GRM7: variants seen among roughly 807,000 people sequenced by gnomAD.
GRM7 encodes metabotropic glutamate receptor 7.
In GRM7, 35 loss-of-function variants were observed where a neutral mutation model predicts 84.5. The ratio of observed to expected loss-of-function variants is 0.41; its 90% CI spans 0.32 to 0.55. The LOEUF is 0.55. Ranked by LOEUF, GRM7 falls within the 20% of genes least tolerant of loss-of-function variation. The pLI is 0.19. For synonymous variants in GRM7, 487 were observed against 455.1 expected (o/e 1.07, Z -0.89); for missense variants, 1,003 against 1,194.6 (o/e 0.84, Z 2.36).
At chr3:7,694,982 C>A (rs1367387662) in intron 9 of GRM7, among the ~76,000 whole-genome samples, 2 of 152,116 alleles carry the variant, frequency 1.3e-5, no homozygotes, top group East Asian at 1.9e-4. Flanking sequence ...TTTAAATTGT[C>A]CTTGATAAGA....
In GRM7 at chr3:7,334,257, G is replaced by A. The variant is rs936225914; in HGVS notation, c.1033+27605G>A. On this transcript the variant is annotated intron_variant, in intron 4 of 9. Transcript: ENST00000357716. ...CTATCAGATTAACAGCAGATTTCTC[G>A]GCAGAAACCCTCCAAGCAGGAAGGG... Among the ~76,000 whole-genome samples the A allele has an allele frequency of 1.1e-4, 16 of 152,060 alleles. 1 individual carries two copies. The highest frequency in any genetic ancestry group is 2.6e-4 in the Admixed American group (4 of 15,252).
chr3:7,372,067 C>T (rs1431677897), intron 4 of GRM7, among the ~76,000 whole-genome samples: 1 of 152,060 alleles, frequency 6.6e-6, no homozygotes, highest in African/African-American at 2.4e-5. Context: ...CATTCTGTAC[C>T]TACAGATGAG....
chr3:6,884,500 C>T (rs189381822), intron 1 of GRM7, among the ~76,000 whole-genome samples: 4 of 152,236 alleles, frequency 2.6e-5, no homozygotes, highest in Admixed American at 6.5e-5. Context: ...TAAAAAACAT[C>T]ACCATTTTGA....
intron 1 of GRM7, among the ~76,000 whole-genome samples, chr3:6,925,587 C>T (rs952109062): frequency 1.3e-5 from 2 of 152,134 alleles, no homozygotes; most frequent in African/African-American, 2.4e-5. Flanking sequence ...GAGGTCATCT[C>T]TTCTATCATC....
chr3:7,583,564 T>A (rs1695368351), intron 8 of GRM7, among the ~76,000 whole-genome samples: 1 of 152,238 alleles, frequency 6.6e-6, no homozygotes, highest in Admixed American at 6.5e-5. Flanking sequence ...AGTTTCGGAT[T>A]CTTGATACCT....
At chr3:7,110,403 C>G (rs946121985) in intron 1 of GRM7, among the ~76,000 whole-genome samples, 1 of 151,984 alleles carries the variant, frequency 6.6e-6, no homozygotes. Flanking sequence ...GAGTTTAAGA[C>G]CAGCCTGGCC....
In GRM7 at chr3:6,997,743, A is replaced by C. The variant is rs529609485; in HGVS notation, c.519+135836A>C. On this transcript the variant is annotated intron_variant, in intron 1 of 9. Coordinates refer to ENST00000357716, the MANE Select transcript of GRM7 (RefSeq NM_000844.4). ...ACACACCTTCCCAACAGTTCCCCAA[A>C]GTCTTAACTCATTCCAGCATTCGTC... Among the ~76,000 whole-genome samples the C allele has an allele frequency of 2.0e-5, 3 of 152,314 alleles. No individual in the cohort carries two copies. The East Asian group carries it at 5.8e-4, about 29-fold the overall frequency.
chr3:7,567,188 T>A (rs2125042017), intron 7 of GRM7, among the ~76,000 whole-genome samples: 1 of 152,332 alleles, frequency 6.6e-6, no homozygotes, highest in Middle Eastern at 3.4e-3. Context: ...CCAATAACAT[T>A]ATGAAACTTA....
rs542059295 is a variant in GRM7, at chr3:7,389,784, G to GT, written c.1034-25229dup. Among the ~76,000 whole-genome samples, 166 of 146,578 alleles carry GT rather than the reference G, an allele frequency of 1.1e-3. 1 individual carries two copies. The highest frequency in any genetic ancestry group is 2.2e-3 in the Non-Finnish European group (145 of 65,990). ...GATGTCTTGAAGGGGCATGAATCTTGTTTTTTTTTTAATCCAATTTGCCAC... is the reference window on the plus strand; with the variant it reads ...GATGTCTTGAAGGGGCATGAATCTTGTTTTTTTTTTTAATCCAATTTGCCAC... On this transcript the variant is annotated intron_variant, in intron 4 of 9. Transcript: ENST00000357716.
At position 6,861,678 on chromosome 3, in the gene GRM7, C is replaced by T. The variant is rs1694760584; in HGVS notation, c.290C>T (p.Pro97Leu). The T allele has an allele frequency of 1.2e-6, 2 of 1,613,990 alleles. No individual in the cohort carries two copies. Among genetic ancestry groups the T allele is most frequent in the Non-Finnish European group, 1.7e-6 (2 of 1,180,010 alleles). Residue 97 changes from proline (P) to leucine (L), a missense_variant, in exon 1 of 10, where the codon CCC becomes CTC. Pro to Leu is a moderately conservative substitution (Grantham distance 98). Transcript: ENST00000357716. The surrounding 1 kb of genome is among the most constrained non-coding windows in gnomAD (Gnocchi z 6.4). The part of the protein sequence containing the change: ...DQINSDPNLL[P>L]NVTLGARILD... ...ATCAACAGTGATCCCAACCTACTGCCCAACGTGACGCTGGGCGCGCGGATC... is the reference window on the plus strand; with the variant it reads ...ATCAACAGTGATCCCAACCTACTGCTCAACGTGACGCTGGGCGCGCGGATC...
chr3:7,355,143 G>A (rs920273191), intron 4 of GRM7, among the ~76,000 whole-genome samples: 4 of 152,108 alleles, frequency 2.6e-5, no homozygotes, highest in Admixed American at 1.3e-4. Flanking sequence ...AAATTTCTAG[G>A]AGTCCAGGTG....
intron 2 of GRM7, among the ~76,000 whole-genome samples, chr3:7,272,301 C>G (rs559091868): frequency 6.6e-6 from 1 of 152,216 alleles, no homozygotes; most frequent in Non-Finnish European, 1.5e-5. Context: ...ACAAGAGTAA[C>G]TGAGGCTTAT....
intron 2 of GRM7, among the ~76,000 whole-genome samples, chr3:7,234,640 AAG>A (rs1697293237): frequency 2.0e-5 from 3 of 152,194 alleles, no homozygotes; most frequent in African/African-American, 2.4e-5. Flanking sequence ...GAGAAAATAA[AAG>A]AGTTGCATTT....
At chr3:6,981,569 G>A (rs1056155901) in intron 1 of GRM7, among the ~76,000 whole-genome samples, 2 of 152,178 alleles carry the variant, frequency 1.3e-5, no homozygotes, top group Non-Finnish European at 2.9e-5. Flanking sequence ...TCCTGCTGAT[G>A]GAGGGAAGGC....
chr3:7,398,916 A>G (rs990964574), intron 4 of GRM7, among the ~76,000 whole-genome samples: 18 of 151,944 alleles, frequency 1.2e-4, no homozygotes, highest in African/African-American at 3.9e-4. Context: ...ATTCCTTTCT[A>G]TCTCCATTGA....
chr3:7,387,245 TTACTC>T (rs1694820304), intron 4 of GRM7, among the ~76,000 whole-genome samples: 1 of 152,228 alleles, frequency 6.6e-6, no homozygotes, highest in African/African-American at 2.4e-5. Flanking sequence ...GGTTGCCTGT[TTACTC>T]TGTTGATAGT....
At chr3:7,308,794 T>G (rs12492204) in intron 4 of GRM7, among the ~76,000 whole-genome samples, 1 of 151,862 alleles carries the variant, frequency 6.6e-6, no homozygotes, top group Non-Finnish European at 1.5e-5. Context: ...GTGGATGCCA[T>G]GTAGACACAA....
intron 9 of GRM7, among the ~76,000 whole-genome samples, chr3:7,684,097 A>G (rs1484884817): frequency 6.6e-6 from 1 of 152,250 alleles, no homozygotes; most frequent in Non-Finnish European, 1.5e-5. Context: ...TATATAGGAA[A>G]AGAACGATAG....
intron 1 of GRM7, among the ~76,000 whole-genome samples, chr3:7,049,318 A>C (rs1448311801): frequency 1.3e-5 from 2 of 152,010 alleles, no homozygotes; most frequent in Admixed American, 6.6e-5. Flanking sequence ...GAGGCCTCAC[A>C]ATCATGGCAG....
Sources: allele counts gnomAD v4.1 joint callset (sites outside exome capture counted in the v4.1 genomes callset), GRCh38; gene constraint gnomAD v4.1.1; non-coding constraint Gnocchi (gnomAD v3.1); transcripts MANE v1.5; gene names NCBI Gene and HGNC (gene_info 2026-07-23, HGNC 2026-07-21).